ZNF627: variants seen among roughly 807,000 people sequenced by gnomAD.
The protein encoded by ZNF627 is zinc finger protein 627.
A neutral mutation model predicts 10.6 loss-of-function variants in ZNF627; 12 were observed. The ratio of observed to expected loss-of-function variants is 1.13; its 90% CI spans 0.73 to 1.84. The LOEUF is 1.84. ZNF627 is among the 40% of genes most tolerant of loss of function. The pLI is 0.00. For missense variants in ZNF627, 504 were observed against 568.4 expected (o/e 0.89, Z 1.15); for synonymous variants, 176 against 187.1 (o/e 0.94, Z 0.48).
Position 11,617,147 on chromosome 19 carries a change from G to A in ZNF627, c.644G>A (p.Arg215Lys), listed in dbSNP as rs1408409979. ...DYPSLFRIHE[R>K]SHTGEKPYEC... ...CCCAGTTTATTTCGTATACATGAAA[G>A]AAGTCACACTGGAGAGAAACCTTAT... Residue 215 changes from arginine to lysine, a missense_variant, in exon 4 of 4, where the codon AGA becomes AAA. Transcript: ENST00000361113. 1.2e-6 allele frequency: 2 copies of A among 1,614,008 alleles called. No homozygotes were observed. The highest frequency in any genetic ancestry group is 1.7e-6 in the Non-Finnish European group (2 of 1,179,988).
At chr19:11,597,664 G>C in intron 1 of ZNF627, 34 bp downstream of exon 1, 1 of 1,338,286 alleles carries the variant, frequency 7.5e-7, no homozygotes, top group Non-Finnish European at 9.6e-7. Flanking sequence ...CCCAGACCTG[G>C]GGGAGGGGCT....
chr19:11,612,512 G>T (rs186165187), intron 1 of ZNF627, among the ~76,000 whole-genome samples: 1 of 147,800 alleles, frequency 6.8e-6, no homozygotes, highest in Admixed American at 6.8e-5. Flanking sequence ...ACCTCTGCGT[G>T]CTGGGTTCAA....
intron 1 of ZNF627, among the ~76,000 whole-genome samples, chr19:11,599,249 C>G (rs1973544232): frequency 6.6e-6 from 1 of 151,912 alleles, no homozygotes; most frequent in African/African-American, 2.4e-5. Flanking sequence ...GCTGGGTGTC[C>G]TGGGGTCGGA....
In ZNF627 at chr19:11,617,407, A is replaced by C; in HGVS notation, c.904A>C (p.Thr302Pro). ...SSVRSHERTHTGEKLFECKEC... is the reference protein window; with the variant it reads ...SSVRSHERTHPGEKLFECKEC... ...TGTTCGAAGTCACGAGAGGACTCAC[A>C]CCGGAGAGAAACTTTTTGAATGTAA... Residue 302 changes from threonine to proline, a missense_variant, in exon 4 of 4, where the codon ACC (threonine) becomes CCC (proline). Coordinates refer to ENST00000361113, the MANE Select transcript of ZNF627 (RefSeq NM_145295.4). 1 of 1,614,046 alleles carries C rather than the reference A, an allele frequency of 6.2e-7. No homozygotes were observed.
In ZNF627 at chr19:11,617,219, G is replaced by C. The variant is rs1183186946; in HGVS notation, c.716G>C (p.Arg239Thr). 3 of 1,613,774 alleles carry C rather than the reference G, an allele frequency of 1.9e-6. No individual in the cohort carries two copies. The highest frequency in any genetic ancestry group is 2.5e-6 in the Non-Finnish European group (3 of 1,179,960). Residue 239 changes from arginine to threonine, a missense_variant, in exon 4 of 4, where the codon AGA becomes ACA. By Grantham distance (71) the Arg-to-Thr change is moderately conservative. Coordinates refer to ENST00000361113, the MANE Select transcript of ZNF627 (RefSeq NM_145295.4). Reference protein sequence around the residue: ...GKAFSCSSYIRIHERTHTGDK... With the variant: ...GKAFSCSSYITIHERTHTGDK... ...GCCTTCAGTTGTTCCAGTTACATTA[G>C]AATACATGAAAGGACTCACACTGGA...
At position 11,609,662 on chromosome 19, in the gene ZNF627, C is replaced by T. The variant is rs540885095; in HGVS notation, c.4-4865C>T. On this transcript the variant is annotated intron_variant, in intron 1 of 3. Transcript: ENST00000361113. Reference sequence around the variant, plus strand: ...CCTCCCAGGTAGCTGGGATTACAGGCGCCTGCCACCATGCCCGGCTAATGT... The same window carrying T: ...CCTCCCAGGTAGCTGGGATTACAGGTGCCTGCCACCATGCCCGGCTAATGT... 4.1e-4 allele frequency among the ~76,000 whole-genome samples: 62 copies of T among 151,366 alleles called. 1 individual carries two copies. The South Asian group carries it at 9.5e-3, about 23-fold the overall frequency.
intron 1 of ZNF627, among the ~76,000 whole-genome samples, chr19:11,607,197 C>T (rs1436402102): frequency 1.3e-5 from 2 of 152,160 alleles, no homozygotes; most frequent in South Asian, 2.1e-4. Flanking sequence ...AGTGCAATGG[C>T]GCAATCTTGG....
chr19:11,609,974 A>T (rs1476012135), intron 1 of ZNF627, among the ~76,000 whole-genome samples: 1 of 149,654 alleles, frequency 6.7e-6, no homozygotes, highest in African/African-American at 2.5e-5. Flanking sequence ...GTTTATCTCA[A>T]TTTTTTCCCA....
intron 1 of ZNF627, among the ~76,000 whole-genome samples, chr19:11,607,379 G>T (rs764625641): frequency 6.6e-6 from 1 of 151,702 alleles, no homozygotes; most frequent in East Asian, 1.9e-4. Context: ...CAGGTTATCC[G>T]CCTGCCTCAG....
At position 11,617,945 on chromosome 19, in the gene ZNF627, T is replaced by G; in HGVS notation, c.*56T>G. The G allele has an allele frequency of 7.1e-7, 1 of 1,404,346 alleles. No homozygotes were observed. The highest frequency in any genetic ancestry group is 9.5e-7 in the Non-Finnish European group (1 of 1,052,248). The allele number at this position is 1,404,346 out of a possible 1,614,324, so 87.0% of individuals were successfully genotyped here. ...TGAAAGTAAGAAATTTGGGAAAGCC[T>G]TCAGTCCTTTCTGTTTCTTTCAACT... On this transcript the variant is annotated 3_prime_UTR_variant, in exon 4 of 4. Coordinates refer to ENST00000361113, the MANE Select transcript of ZNF627 (RefSeq NM_145295.4).
At position 11,615,033 on chromosome 19, in the gene ZNF627, G is replaced by A. The variant is rs184746227; in HGVS notation, c.191+146G>A. 601 of 623,732 alleles carry A rather than the reference G, an allele frequency of 9.6e-4. 3 individuals carry two copies. In the African/African-American group the frequency reaches 0.01, roughly 11 times the overall value. 38.6% of individuals were successfully genotyped at this position (623,732 alleles called of 1,614,324 possible). On this transcript the variant is annotated intron_variant, in intron 3 of 3. Coordinates refer to ENST00000361113, the MANE Select transcript of ZNF627 (RefSeq NM_145295.4). ...ACAATCTTGGCTCACTGCAACCTCC[G>A]CCTCCCAGGTTCAAGTGATTCTCCT...
In ZNF627 at chr19:11,597,493, A is replaced by G. The variant is rs1973506927; in HGVS notation, c.-135A>G. 5 of 938,746 alleles carry G rather than the reference A, an allele frequency of 5.3e-6. No homozygotes were observed. Among genetic ancestry groups the G allele is most frequent in the Non-Finnish European group, 7.1e-6 (5 of 706,560 alleles). The allele number at this position is 938,746 out of a possible 1,614,324, so 58.2% of individuals were successfully genotyped here. A position where few individuals can be genotyped will look rare whatever the true frequency, so the allele number is the denominator to read the frequency against. ...CCCTACGGAGCCTTTGTTTCTGGCG[A>G]CCGTCCCCACCCGGGCTCGCGTCTC... On this transcript the variant is annotated 5_prime_UTR_variant, in exon 1 of 4. Coordinates refer to ENST00000361113, the MANE Select transcript of ZNF627 (RefSeq NM_145295.4).
rs992610703 is a variant in ZNF627, at chr19:11,614,923, G to T, written c.191+36G>T. The T allele has an allele frequency of 5.6e-6, 8 of 1,439,546 alleles. No individual in the cohort carries two copies. The African/African-American group carries it at 1.0e-4, about 18-fold the overall frequency. The allele number at this position is 1,439,546 out of a possible 1,614,324, so 89.2% of individuals were successfully genotyped here. Reference sequence around the variant, plus strand: ...CTCACAAAAGAAAGTTCTGTTCCTTGAGAGCATTTCGTATTGTTAGGAATT... The same window carrying T: ...CTCACAAAAGAAAGTTCTGTTCCTTTAGAGCATTTCGTATTGTTAGGAATT... On this transcript the variant is annotated intron_variant, in intron 3 of 3. Transcript: ENST00000361113.
chr19:11,599,110 G>T (rs1433681898), intron 1 of ZNF627, among the ~76,000 whole-genome samples: 1 of 152,176 alleles, frequency 6.6e-6, no homozygotes, highest in African/African-American at 2.4e-5. Context: ...CTCCTTTCCT[G>T]GTCCTGGGCT....
chr19:11,601,821 C>T (rs1021107412), intron 1 of ZNF627, among the ~76,000 whole-genome samples: 6 of 151,720 alleles, frequency 4.0e-5, no homozygotes, highest in Non-Finnish European at 7.4e-5. Context: ...GCCTGACCAA[C>T]ATAGTGAAAC....
chr19:11,601,322 A>ATTTAT (rs5827131), intron 1 of ZNF627, among the ~76,000 whole-genome samples: 62,605 of 151,224 alleles, frequency 0.41, 13,223 homozygotes, highest in Non-Finnish European at 0.47. Context: ...GTAAGGAGTG[A>ATTTAT]TTTATTTTAT....
intron 1 of ZNF627, among the ~76,000 whole-genome samples, chr19:11,607,995 G>C (rs1973703661): frequency 1.3e-5 from 2 of 152,156 alleles, no homozygotes; most frequent in Non-Finnish European, 2.9e-5. Flanking sequence ...CCTGAGACTG[G>C]ATAATTTATA....
At chr19:11,603,396 C>T (rs558050871) in intron 1 of ZNF627, among the ~76,000 whole-genome samples, 1 of 151,062 alleles carries the variant, frequency 6.6e-6, no homozygotes, top group African/African-American at 2.4e-5. Context: ...ATTCTCCCAC[C>T]TCAGTCTCCC....
In ZNF627 at chr19:11,617,111, C is replaced by G. The variant is rs1230517509; in HGVS notation, c.608C>G (p.Ala203Gly). 4 of 1,613,892 alleles carry G rather than the reference C, an allele frequency of 2.5e-6. No homozygotes were observed. The highest frequency in any genetic ancestry group is 2.7e-5 in the African/African-American group (2 of 74,886). The change falls in exon 4 of 4, where the codon GCC becomes GGC. Residue 203 changes from alanine (A) to glycine (G), a missense_variant. Physicochemically the swap from Ala to Gly is moderately conservative, Grantham distance 60. Coordinates refer to ENST00000361113, the MANE Select transcript of ZNF627 (RefSeq NM_145295.4). ...TACAAATGTAAGGTGTGTGGGAAAGCCTTTGATTATCCCAGTTTATTTCGT... is the reference window on the plus strand; with the variant it reads ...TACAAATGTAAGGTGTGTGGGAAAGGCTTTGATTATCCCAGTTTATTTCGT... Reference protein sequence around the residue: ...VPYKCKVCGKAFDYPSLFRIH... With the variant: ...VPYKCKVCGKGFDYPSLFRIH...
Sources: allele counts gnomAD v4.1 joint callset (sites outside exome capture counted in the v4.1 genomes callset), GRCh38; gene constraint gnomAD v4.1.1; transcripts MANE v1.5; gene names NCBI Gene and HGNC (gene_info 2026-07-23, HGNC 2026-07-21).